BMPR1B: variants seen among roughly 807,000 people sequenced by gnomAD.
BMPR1B encodes the protein bone morphogenetic protein receptor type-1B.
Under a neutral mutation model 59.1 loss-of-function variants are expected in BMPR1B, and 12 were observed. The ratio of observed to expected loss-of-function variants is 0.20; its 90% CI spans 0.13 to 0.33. The LOEUF is 0.33. BMPR1B is among the 10% of genes least tolerant of loss of function. The pLI, the probability that BMPR1B is intolerant of heterozygous loss-of-function variation, is 1.00. For synonymous variants in BMPR1B, 237 were observed against 207.3 expected, an observed-to-expected ratio of 1.14 and a Z score of -1.23; for missense variants, 550 against 610.9, an observed-to-expected ratio of 0.90 and a Z score of 1.05.
chr4:95,124,353 A>G (rs1040831344), intron 7 of BMPR1B, among the ~76,000 whole-genome samples: 1 of 151,936 alleles, frequency 6.6e-6, no homozygotes, highest in Admixed American at 6.6e-5. Context: ...GGTAATTCCT[A>G]TTTTTTTAAT....
chr4:95,036,359 C>T (rs1379235503), intron 3 of BMPR1B, among the ~76,000 whole-genome samples: 1 of 152,040 alleles, frequency 6.6e-6, no homozygotes, highest in African/African-American at 2.4e-5. Flanking sequence ...CTCTTCCTAC[C>T]CCCAAAACCC....
chr4:94,816,564 T>C (rs1724017806), intron 1 of BMPR1B, among the ~76,000 whole-genome samples: 2 of 152,146 alleles, frequency 1.3e-5, no homozygotes, highest in African/African-American at 2.4e-5. Flanking sequence ...TTAGTATTTC[T>C]GCATTATTGA....
chr4:95,122,783 A>T (rs889125156), intron 6 of BMPR1B, among the ~76,000 whole-genome samples: 3 of 152,204 alleles, frequency 2.0e-5, no homozygotes, highest in Admixed American at 1.3e-4. Context: ...CAAAATATTT[A>T]GGTGGCCATA....
intron 1 of BMPR1B, among the ~76,000 whole-genome samples, chr4:94,847,295 TGAG>T (rs1345648194): frequency 2.0e-5 from 3 of 152,156 alleles, no homozygotes; most frequent in Non-Finnish European, 4.4e-5. Context: ...CAAATGCTGT[TGAG>T]GATGTAGAGA....
In BMPR1B at chr4:95,131,220, A is replaced by G. The variant is rs761965542; in HGVS notation, c.784A>G (p.Ile262Val). 3 of 1,613,682 alleles carry G rather than the reference A, an allele frequency of 1.9e-6. No homozygotes were observed. Among genetic ancestry groups the G allele is most frequent in the Non-Finnish European group, 1.7e-6 (2 of 1,179,738 alleles). The change falls in exon 10 of 13, where the codon ATT becomes GTT. Residue 262 changes from isoleucine to valine, a missense_variant. Coordinates refer to ENST00000515059, the MANE Select transcript of BMPR1B (RefSeq NM_001203.3). The stretch of plus-strand genomic sequence containing the variant: ...TTCATCTTTTTTCCTTTTAGGTTTC[A>G]TTGCTGCAGATATCAAAGGGACAGG... ...LMRHENILGF[I>V]AADIKGTGSW...
intron 3 of BMPR1B, among the ~76,000 whole-genome samples, chr4:95,083,471 T>A (rs1729332898): frequency 6.6e-6 from 1 of 152,124 alleles, no homozygotes; most frequent in African/African-American, 2.4e-5. Context: ...AGTTAGAAGT[T>A]TAGCTGAAGT....
chr4:94,939,797 G>GA (rs1230288743), intron 2 of BMPR1B, among the ~76,000 whole-genome samples: 1 of 152,048 alleles, frequency 6.6e-6, no homozygotes, highest in Non-Finnish European at 1.5e-5. Flanking sequence ...TATTATCTAG[G>GA]AAAAATGTCC....
intron 3 of BMPR1B, among the ~76,000 whole-genome samples, chr4:95,021,917 C>T (rs1347346): frequency 0.95 from 145,451 of 152,330 alleles, 69,473 homozygotes; most frequent in Middle Eastern, 0.99. Context: ...TAGGAACTTA[C>T]GTGAGCAGTG....
At chr4:95,059,189 A>T (rs1222824982) in intron 3 of BMPR1B, among the ~76,000 whole-genome samples, 3 of 152,214 alleles carry the variant, frequency 2.0e-5, no homozygotes, top group Non-Finnish European at 4.4e-5. Flanking sequence ...AAACAACAAC[A>T]ATAATCACAA....
chr4:95,075,911 G>A (rs573910819), intron 3 of BMPR1B, among the ~76,000 whole-genome samples: 11 of 151,868 alleles, frequency 7.2e-5, no homozygotes, highest in African/African-American at 2.4e-4. Context: ...TTTTTTTCTA[G>A]TTGGGCTGAA....
intron 2 of BMPR1B, among the ~76,000 whole-genome samples, chr4:94,905,364 GA>G: frequency 6.6e-6 from 1 of 151,936 alleles, no homozygotes; most frequent in Non-Finnish European, 1.5e-5. Flanking sequence ...GAAGACAACT[GA>G]TTACTAATGC....
Position 94,957,345 on chromosome 4 carries a change from T to G in BMPR1B, c.-112-38695T>G, listed in dbSNP as rs549851339. Among the ~76,000 whole-genome samples the G allele has an allele frequency of 3.6e-4, 52 of 143,074 alleles. No homozygotes were observed. In the East Asian group the frequency reaches 0.01, roughly 28 times the overall value. 93.9% of individuals were successfully genotyped at this position (143,074 alleles called of 152,430 possible). A position where few individuals can be genotyped will look rare whatever the true frequency, so the allele number is the denominator to read the frequency against. On this transcript the variant is annotated intron_variant, in intron 2 of 12. Transcript: ENST00000515059. ...CCTCCTGTTTCGTGTTTTTTTTTTT[T>G]TTTTTTTTTTTTTTTCCTTTTGCAA...
intron 2 of BMPR1B, among the ~76,000 whole-genome samples, chr4:94,991,423 A>G (rs982645979): frequency 6.6e-6 from 1 of 152,198 alleles, no homozygotes; most frequent in African/African-American, 2.4e-5. Flanking sequence ...CTATGCTGTT[A>G]TTGAACCTAT....
In BMPR1B at chr4:94,766,672, T is replaced by TTTA. The variant is rs900308019; in HGVS notation, c.-183+8619_-183+8621dup. Among the ~76,000 whole-genome samples, 10 of 151,854 alleles carry TTTA rather than the reference T, an allele frequency of 6.6e-5. No individual in the cohort carries two copies. In the South Asian group the frequency reaches 2.1e-3, roughly 31 times the overall value. The stretch of plus-strand genomic sequence containing the variant: ...TAAAATCAGTCACTCTTTTTTTAAT[T>TTTA]TTATTATTATTATTATTTTTTACCA... On this transcript the variant is annotated intron_variant, in intron 1 of 12. Coordinates refer to ENST00000515059, the MANE Select transcript of BMPR1B (RefSeq NM_001203.3).
chr4:94,987,064 T>C (rs892288013), intron 2 of BMPR1B, among the ~76,000 whole-genome samples: 1 of 145,540 alleles, frequency 6.9e-6, no homozygotes, highest in East Asian at 2.0e-4. Context: ...ATATATATAA[T>C]ATATAATATT....
chr4:94,884,546 C>T (rs770730038), intron 2 of BMPR1B, among the ~76,000 whole-genome samples: 6 of 152,016 alleles, frequency 3.9e-5, no homozygotes, highest in East Asian at 3.9e-4. Flanking sequence ...AAAAGCTGAC[C>T]TCAAGTCAGT....
intron 2 of BMPR1B, among the ~76,000 whole-genome samples, chr4:94,899,004 G>T (rs897287042): frequency 2.6e-5 from 4 of 152,064 alleles, no homozygotes; most frequent in Non-Finnish European, 5.9e-5. Context: ...CCCTGAGTTG[G>T]AATCAAGGTG....
intron 11 of BMPR1B, among the ~76,000 whole-genome samples, chr4:95,149,179 C>T (rs1197695511): frequency 2.6e-5 from 4 of 152,182 alleles, no homozygotes; most frequent in Admixed American, 6.5e-5. Context: ...CTGTTTTCTG[C>T]TCTGTGTATT....
chr4:94,823,697 T>A (rs767861593), intron 1 of BMPR1B, among the ~76,000 whole-genome samples: 5 of 152,138 alleles, frequency 3.3e-5, no homozygotes, highest in African/African-American at 4.8e-5. Context: ...AGGTTAGATA[T>A]GCCTGTCTGA....
Sources: allele counts gnomAD v4.1 joint callset (sites outside exome capture counted in the v4.1 genomes callset), GRCh38; gene constraint gnomAD v4.1.1; transcripts MANE v1.5; gene names NCBI Gene and HGNC (gene_info 2026-07-23, HGNC 2026-07-21).